Variants in PCSK2 observed in about 807,000 individuals in gnomAD.
PCSK2 encodes neuroendocrine convertase 2.
Under a neutral mutation model 69.7 loss-of-function variants are expected in PCSK2, and 14 were observed. The observed-to-expected ratio is 0.20, with a 90% CI of 0.13 to 0.31. The LOEUF (loss-of-function observed/expected upper bound fraction) is 0.31, where lower values mean the gene tolerates loss of function less well. PCSK2 is among the 10% of genes least tolerant of loss of function. The pLI, the probability that PCSK2 is intolerant of heterozygous loss-of-function variation, is 1.00. For synonymous variants in PCSK2, 307 were observed against 320.7 expected (o/e 0.96, Z 0.46); for missense variants, 544 against 842.5 (o/e 0.65, Z 4.39).
chr20:17,410,174 T>C (rs921954358), intron 6 of PCSK2, among the ~76,000 whole-genome samples: 9 of 152,084 alleles, frequency 5.9e-5, no homozygotes, highest in African/African-American at 1.7e-4. Flanking sequence ...ATAAAACAAA[T>C]GTTGTCATTT....
chr20:17,356,326 G>C (rs1449123450), intron 2 of PCSK2, among the ~76,000 whole-genome samples: 1 of 151,916 alleles, frequency 6.6e-6, no homozygotes, highest in Non-Finnish European at 1.5e-5. Context: ...ACTGTCCTTT[G>C]TTGGAATACC....
At chr20:17,276,341 C>T (rs1988074387) in intron 2 of PCSK2, among the ~76,000 whole-genome samples, 1 of 152,090 alleles carries the variant, frequency 6.6e-6, no homozygotes, top group South Asian at 2.1e-4. Context: ...ATTAACTCCA[C>T]ATTTTAAAAT....
chr20:17,293,525 T>C (rs1600457813), intron 2 of PCSK2, among the ~76,000 whole-genome samples: 1 of 152,348 alleles, frequency 6.6e-6, no homozygotes, highest in Admixed American at 6.5e-5. Flanking sequence ...TAATCAGACA[T>C]GGAAATTTTA....
chr20:17,241,713 A>G (rs545934138), intron 1 of PCSK2, among the ~76,000 whole-genome samples: 2 of 152,322 alleles, frequency 1.3e-5, no homozygotes, highest in East Asian at 1.9e-4. Context: ...AGTTCTATCC[A>G]TGAAGATTAG....
At chr20:17,479,115 A>C in intron 11 of PCSK2, 2 of 1,347,030 alleles carry the variant, frequency 1.5e-6, no homozygotes, top group East Asian at 4.6e-5. Flanking sequence ...AAACATTGAC[A>C]ATACAGTTCA....
intron 2 of PCSK2, among the ~76,000 whole-genome samples, chr20:17,284,743 A>G (rs988356284): frequency 1.3e-5 from 2 of 152,174 alleles, no homozygotes; most frequent in Non-Finnish European, 2.9e-5. Context: ...CCAAATGAGG[A>G]AGAGGGAGGG....
At chr20:17,345,130 C>T (rs1990615582) in intron 2 of PCSK2, among the ~76,000 whole-genome samples, 1 of 152,112 alleles carries the variant, frequency 6.6e-6, no homozygotes, top group South Asian at 2.1e-4. Flanking sequence ...AAAGCTTAAC[C>T]CTTCATGGCA....
At chr20:17,349,068 G>A (rs1036033210) in intron 2 of PCSK2, among the ~76,000 whole-genome samples, 76 of 152,130 alleles carry the variant, frequency 5.0e-4, no homozygotes, top group Admixed American at 3.4e-3. Context: ...GAGTACTCAG[G>A]GCACTGCCCA....
In PCSK2 at chr20:17,360,534, C is replaced by A. The variant is rs1048909082; in HGVS notation, c.399C>A (p.Ile133=). The A allele has an allele frequency of 1.9e-5, 31 of 1,600,234 alleles. No homozygotes were observed. In the African/African-American group the frequency reaches 3.5e-4, roughly 18 times the overall value. The change falls in exon 4 of 12, where the codon ATC becomes ATA. Residue 133 remains isoleucine (I), a splice_region_variant and synonymous_variant. Coordinates refer to ENST00000262545, the MANE Select transcript of PCSK2 (RefSeq NM_002594.5). The part of the protein sequence containing the change: ...DPLFTKQWYL[I]NTGQADGTPG... The stretch of plus-strand genomic sequence containing the variant: ...CTGCTTTGAAATTCCTGTACCAGAT[C>A]AATACTGGGCAAGCTGATGGCACTC...
intron 8 of PCSK2, among the ~76,000 whole-genome samples, chr20:17,450,309 T>C (rs6034832): frequency 0.57 from 86,545 of 151,858 alleles, 25,026 homozygotes; most frequent in South Asian, 0.69. Flanking sequence ...ATTACAGGCA[T>C]GAGACACCGC....
chr20:17,233,589 T>G (rs1986223331), intron 1 of PCSK2, among the ~76,000 whole-genome samples: 1 of 152,156 alleles, frequency 6.6e-6, no homozygotes, highest in Admixed American at 6.5e-5. Context: ...GAAATCTGAC[T>G]GGCTAGTTGC....
chr20:17,326,821 A>G (rs1990068407), intron 2 of PCSK2, among the ~76,000 whole-genome samples: 1 of 152,144 alleles, frequency 6.6e-6, no homozygotes, highest in South Asian at 2.1e-4. Flanking sequence ...CCCACCTGAG[A>G]CGTGCTCAGA....
intron 2 of PCSK2, among the ~76,000 whole-genome samples, chr20:17,338,456 A>G (rs2123167531): frequency 6.6e-6 from 1 of 152,090 alleles, no homozygotes; most frequent in Non-Finnish European, 1.5e-5. Context: ...CGGCCTCCCA[A>G]AGTGCTGAGA....
At chr20:17,333,784 G>C (rs1056291490) in intron 2 of PCSK2, among the ~76,000 whole-genome samples, 1 of 151,518 alleles carries the variant, frequency 6.6e-6, no homozygotes, top group African/African-American at 2.4e-5. Context: ...CTGTAAAATA[G>C]GGATGATAAT....
At chr20:17,288,965 G>T (rs1988607862) in intron 2 of PCSK2, among the ~76,000 whole-genome samples, 1 of 152,210 alleles carries the variant, frequency 6.6e-6, no homozygotes, top group Non-Finnish European at 1.5e-5. Context: ...GCAAAGGAAA[G>T]CTGCGTTCTT....
At chr20:17,323,381 T>A (rs1387920829) in intron 2 of PCSK2, among the ~76,000 whole-genome samples, 1 of 152,194 alleles carries the variant, frequency 6.6e-6, no homozygotes, top group African/African-American at 2.4e-5. Context: ...TGCCAACACC[T>A]TGATCTCGGA....
At chr20:17,253,643 T>C (rs1987074232) in intron 1 of PCSK2, among the ~76,000 whole-genome samples, 1 of 152,226 alleles carries the variant, frequency 6.6e-6, no homozygotes, top group Non-Finnish European at 1.5e-5. Flanking sequence ...AGTTTTTGAC[T>C]ATCATGAATA....
chr20:17,389,870 T>A (rs533066074), intron 5 of PCSK2, among the ~76,000 whole-genome samples: 1 of 152,196 alleles, frequency 6.6e-6, no homozygotes. Flanking sequence ...TTTCTTGTAA[T>A]GTTAAACACA....
At chr20:17,423,820 AT>A in intron 6 of PCSK2, among the ~76,000 whole-genome samples, 1 of 152,356 alleles carries the variant, frequency 6.6e-6, no homozygotes, top group Non-Finnish European at 1.5e-5. Flanking sequence ...TTAACAGGAA[AT>A]TCACAGAAAA....
Sources: allele counts gnomAD v4.1 joint callset (sites outside exome capture counted in the v4.1 genomes callset), GRCh38; gene constraint gnomAD v4.1.1; transcripts MANE v1.5; gene names NCBI Gene and HGNC (gene_info 2026-07-23, HGNC 2026-07-21).